PDSS2: variants seen among roughly 807,000 people sequenced by gnomAD.
The protein encoded by PDSS2 is all trans-polyprenyl-diphosphate synthase PDSS2.
In PDSS2, 31 loss-of-function variants were observed where a neutral mutation model predicts 44.5. The ratio of observed to expected loss-of-function variants is 0.70; its 90% CI spans 0.52 to 0.94. The LOEUF is 0.94. PDSS2 is among the 40% of genes least tolerant of loss of function. PDSS2 has a pLI of 0.00. For missense variants in PDSS2, 452 were observed against 482.2 expected, an observed-to-expected ratio of 0.94 and a Z score of 0.59; for synonymous variants, 157 against 180.3, an observed-to-expected ratio of 0.87 and a Z score of 1.03.
chr6:107,348,498 T>A (rs1033263415), intron 1 of PDSS2, among the ~76,000 whole-genome samples: 5 of 152,228 alleles, frequency 3.3e-5, no homozygotes, highest in Admixed American at 1.3e-4. Context: ...AGGGTAAGTT[T>A]TGTTTATTAT....
At chr6:107,193,474 A>C (rs1772450064) in intron 7 of PDSS2, among the ~76,000 whole-genome samples, 1 of 151,934 alleles carries the variant, frequency 6.6e-6, no homozygotes, top group South Asian at 2.1e-4. Flanking sequence ...TTTACTGTTT[A>C]TTTTTCCTCA....
intron 1 of PDSS2, among the ~76,000 whole-genome samples, chr6:107,455,353 C>G (rs1340911204): frequency 1.3e-5 from 2 of 151,602 alleles, no homozygotes; most frequent in Non-Finnish European, 2.9e-5. Context: ...CTTTTCACTT[C>G]TGTGCTTTAT....
At chr6:107,263,551 G>A (rs142739583) in intron 3 of PDSS2, among the ~76,000 whole-genome samples, 1 of 152,256 alleles carries the variant, frequency 6.6e-6, no homozygotes, top group African/African-American at 2.4e-5. Context: ...GATACTCAGA[G>A]AAATGTCAAT....
At chr6:107,394,120 TTCC>T (rs1779867509) in intron 1 of PDSS2, among the ~76,000 whole-genome samples, 1 of 152,326 alleles carries the variant, frequency 6.6e-6, no homozygotes, top group African/African-American at 2.4e-5. Flanking sequence ...TCTCTCTTTT[TTCC>T]TCGTTTCCTG....
At chr6:107,283,079 G>A (rs1170748696) in intron 2 of PDSS2, among the ~76,000 whole-genome samples, 2 of 151,854 alleles carry the variant, frequency 1.3e-5, no homozygotes, top group African/African-American at 2.4e-5. Flanking sequence ...AACACTTTAG[G>A]AGGCCAAGGC....
chr6:107,203,145 A>G (rs1193118636), intron 6 of PDSS2, among the ~76,000 whole-genome samples: 2 of 152,178 alleles, frequency 1.3e-5, no homozygotes, highest in African/African-American at 2.4e-5. Flanking sequence ...TCCCAAGGCA[A>G]CGGCCATCAA....
intron 4 of PDSS2, among the ~76,000 whole-genome samples, chr6:107,243,672 G>A (rs955738583): frequency 6.6e-5 from 10 of 152,160 alleles, no homozygotes; most frequent in Admixed American, 5.9e-4. Flanking sequence ...ATCAAATCAG[G>A]TTTCACTAAA....
chr6:107,442,453 A>C (rs1781538994), intron 1 of PDSS2, among the ~76,000 whole-genome samples: 1 of 151,868 alleles, frequency 6.6e-6, no homozygotes. Flanking sequence ...AAAAAACAAA[A>C]GCAATTTCTA....
intron 2 of PDSS2, among the ~76,000 whole-genome samples, chr6:107,278,339 A>G (rs1775855849): frequency 6.6e-6 from 1 of 152,202 alleles, no homozygotes; most frequent in Non-Finnish European, 1.5e-5. Flanking sequence ...AAGACAGTTG[A>G]AAAGTTAACA....
In PDSS2 at chr6:107,152,726, G is replaced by A. The variant is rs1311617003; in HGVS notation, c.*1893C>T. 2 of 152,140 alleles carry A rather than the reference G, an allele frequency of 1.3e-5. No homozygotes were observed. The highest frequency in any genetic ancestry group is 4.8e-5 in the African/African-American group (2 of 41,428). The allele number at this position is 152,140 out of a possible 1,614,324, so 9.4% of individuals were successfully genotyped here. On this transcript the variant is annotated 3_prime_UTR_variant, in exon 8 of 8. Transcript: ENST00000369037. ...TAACGCAGAATAAGAGGCGCCCTAGGATCCTGCCTGGTGCCCTGCAGTGCC... is the reference window on the plus strand; with the variant it reads ...TAACGCAGAATAAGAGGCGCCCTAGAATCCTGCCTGGTGCCCTGCAGTGCC...
chr6:107,434,918 A>C (rs1227986887), intron 1 of PDSS2, among the ~76,000 whole-genome samples: 1 of 152,076 alleles, frequency 6.6e-6, no homozygotes, highest in Non-Finnish European at 1.5e-5. Context: ...CCATAAATAT[A>C]CACACTTACT....
At chr6:107,217,593 CTG>C (rs1773455658) in intron 4 of PDSS2, among the ~76,000 whole-genome samples, 2 of 151,892 alleles carry the variant, frequency 1.3e-5, no homozygotes, top group Admixed American at 1.3e-4. Flanking sequence ...GATGGTAAGG[CTG>C]TGACCAAATA....
At chr6:107,169,372 C>T (rs1282786520) in intron 7 of PDSS2, among the ~76,000 whole-genome samples, 1 of 152,090 alleles carries the variant, frequency 6.6e-6, no homozygotes, top group Non-Finnish European at 1.5e-5. Flanking sequence ...TCTAGTTAGC[C>T]ATTCGTCTAA....
rs370039122 is a variant in PDSS2, at chr6:107,429,271, T to C, written c.296+29719A>G. On this transcript the variant is annotated intron_variant, in intron 1 of 7. Transcript: ENST00000369037. Reference sequence around the variant, plus strand: ...AGTGGGGAGTGGCAAGATAAGCAACTAGAGAGGAAAGAAGCCATGCACAAG... The same window carrying C: ...AGTGGGGAGTGGCAAGATAAGCAACCAGAGAGGAAAGAAGCCATGCACAAG... 9.9e-5 allele frequency among the ~76,000 whole-genome samples: 15 copies of C among 152,044 alleles called. No homozygotes were observed. The East Asian group carries it at 1.3e-3, about 14-fold the overall frequency.
At chr6:107,369,363 A>G (rs1282721826) in intron 1 of PDSS2, among the ~76,000 whole-genome samples, 1 of 152,196 alleles carries the variant, frequency 6.6e-6, no homozygotes, top group East Asian at 1.9e-4. Context: ...ATTTGCAGTG[A>G]GCTGAGATTG....
chr6:107,212,571 A>G (rs569625822), intron 4 of PDSS2, among the ~76,000 whole-genome samples: 1 of 152,336 alleles, frequency 6.6e-6, no homozygotes, highest in Admixed American at 6.5e-5. Context: ...GAAAAAGTAG[A>G]AAGACTTCAA....
At chr6:107,332,337 C>T in intron 2 of PDSS2, among the ~76,000 whole-genome samples, 1 of 152,074 alleles carries the variant, frequency 6.6e-6, no homozygotes, top group East Asian at 1.9e-4. Context: ...AACTCCTGGA[C>T]TCACATTATC....
intron 1 of PDSS2, among the ~76,000 whole-genome samples, chr6:107,396,678 C>CTTTCTT (rs1382187450): frequency 7.6e-5 from 6 of 79,328 alleles, no homozygotes; most frequent in Non-Finnish European, 1.3e-4. Flanking sequence ...CTTCTTTTTT[C>CTTTCTT]TTTTTTTTTT....
rs114535322 is a variant in PDSS2 at position 107,190,458 on chromosome 6, C to G, written c.1041+3364G>C. 4.5e-3 allele frequency among the ~76,000 whole-genome samples: 692 copies of G among 152,176 alleles called. 4 individuals are homozygous for G. The highest frequency in any genetic ancestry group is 0.016 in the African/African-American group (665 of 41,512). ...TAAGTGTCAAGTACTGTGTTGGGTA[C>G]CAGATATACTAAGAGAAAAAAGAAA... On this transcript the variant is annotated intron_variant, in intron 7 of 7. Transcript: ENST00000369037.
Sources: allele counts gnomAD v4.1 joint callset (sites outside exome capture counted in the v4.1 genomes callset), GRCh38; gene constraint gnomAD v4.1.1; transcripts MANE v1.5; gene names NCBI Gene and HGNC (gene_info 2026-07-23, HGNC 2026-07-21).